Variants in SLC4A4 observed in about 807,000 individuals in gnomAD.
SLC4A4 encodes electrogenic sodium bicarbonate cotransporter 1.
A neutral mutation model predicts 111.5 loss-of-function variants in SLC4A4; 27 were observed. That is an observed-to-expected ratio of 0.24 (90% CI 0.18 to 0.33). The LOEUF is 0.33. Among genes scored for constraint, SLC4A4 ranks in the 10% least tolerant of loss-of-function variants. The pLI is 1.00. For synonymous variants in SLC4A4, 443 were observed against 463.4 expected, an observed-to-expected ratio of 0.96 and a Z score of 0.57; for missense variants, 909 against 1,315.5, an observed-to-expected ratio of 0.69 and a Z score of 4.78.
intron 2 of SLC4A4, among the ~76,000 whole-genome samples, chr4:71,171,071 C>T (rs1343213586): frequency 1.3e-5 from 2 of 152,158 alleles, no homozygotes; most frequent in African/African-American, 4.8e-5. Flanking sequence ...TCATGAAATG[C>T]TACTAACTCC....
At position 71,190,407 on chromosome 4, in the gene SLC4A4, C is replaced by T. The variant is rs1046283466; in HGVS notation, c.-2+3006C>T. 1.4e-4 allele frequency among the ~76,000 whole-genome samples: 21 copies of T among 151,004 alleles called. No individual in the cohort carries two copies. The East Asian group carries it at 3.9e-3, about 28-fold the overall frequency. ...GTTTACACACACACACACACACACA[C>T]ACACACACACACACACACACACAGA... On this transcript the variant is annotated intron_variant, in intron 1 of 25. Coordinates refer to ENST00000264485, the MANE Select transcript of SLC4A4 (RefSeq NM_001098484.3).
chr4:71,124,023 T>G (rs1162274278), intron 2 of SLC4A4, among the ~76,000 whole-genome samples: 1 of 152,188 alleles, frequency 6.6e-6, no homozygotes, highest in African/African-American at 2.4e-5. Flanking sequence ...TATGTTTATG[T>G]GCACTACTTT....
chr4:71,531,750 T>C, intron 16 of SLC4A4, among the ~76,000 whole-genome samples: 1 of 125,568 alleles, frequency 8.0e-6, no homozygotes, highest in African/African-American at 3.2e-5. Context: ...TTGCCCTCCC[T>C]GCCTACACAC....
intron 2 of SLC4A4, among the ~76,000 whole-genome samples, chr4:71,250,357 C>A (rs2149054690): frequency 6.6e-6 from 1 of 152,172 alleles, no homozygotes; most frequent in South Asian, 2.1e-4. Context: ...CTGGAGAGAA[C>A]AGAAATTCAG....
intron 2 of SLC4A4, among the ~76,000 whole-genome samples, chr4:71,249,978 T>G (rs1226095013): frequency 1.3e-5 from 2 of 152,176 alleles, no homozygotes; most frequent in Non-Finnish European, 2.9e-5. Flanking sequence ...CCACACAGTG[T>G]CCACTGTGCC....
At chr4:71,295,375 G>T (rs781700371) in intron 3 of SLC4A4, among the ~76,000 whole-genome samples, 2 of 152,042 alleles carry the variant, frequency 1.3e-5, no homozygotes, top group African/African-American at 4.8e-5. Flanking sequence ...CCCCTGGACT[G>T]GTACTTTCAT....
At chr4:71,399,511 C>T (rs1319156494) in intron 7 of SLC4A4, among the ~76,000 whole-genome samples, 2 of 137,392 alleles carry the variant, frequency 1.5e-5, no homozygotes, top group Non-Finnish European at 3.1e-5. Context: ...TCCTTCCTTC[C>T]TTCCTTCCTC....
At chr4:71,425,478 A>T (rs539336421) in intron 7 of SLC4A4, among the ~76,000 whole-genome samples, 14 of 152,300 alleles carry the variant, frequency 9.2e-5, no homozygotes, top group South Asian at 8.3e-4. Flanking sequence ...TAAACCAAAA[A>T]GTATCTGAGA....
At chr4:71,124,403 T>G (rs1284196915) in intron 2 of SLC4A4, among the ~76,000 whole-genome samples, 1 of 151,866 alleles carries the variant, frequency 6.6e-6, no homozygotes, top group African/African-American at 2.4e-5. Flanking sequence ...ATCTCTTGAC[T>G]ATGTGATCCA....
intron 1 of SLC4A4, among the ~76,000 whole-genome samples, chr4:71,204,640 C>T (rs1717634769): frequency 6.6e-6 from 1 of 152,030 alleles, no homozygotes; most frequent in African/African-American, 2.4e-5. Context: ...ATACAGCATG[C>T]AGAAAACCTG....
chr4:71,227,100 G>A (rs1416446072), intron 1 of SLC4A4, among the ~76,000 whole-genome samples: 1 of 152,134 alleles, frequency 6.6e-6, no homozygotes, highest in Non-Finnish European at 1.5e-5. Flanking sequence ...GAAGCCAATG[G>A]AGAACAGAGG....
chr4:71,338,459 G>T (rs935114142), intron 3 of SLC4A4, among the ~76,000 whole-genome samples: 1 of 151,772 alleles, frequency 6.6e-6, no homozygotes, highest in Admixed American at 6.6e-5. Flanking sequence ...AGTATTTGTG[G>T]GCCTTAAATT....
chr4:71,148,725 A>C (rs1291232947), intron 2 of SLC4A4, among the ~76,000 whole-genome samples: 1 of 152,060 alleles, frequency 6.6e-6, no homozygotes, highest in Non-Finnish European at 1.5e-5. Context: ...AAAGGACATG[A>C]TCTTGTTCTT....
intron 2 of SLC4A4, among the ~76,000 whole-genome samples, chr4:71,116,725 C>T (rs1743277270): frequency 6.6e-6 from 1 of 152,152 alleles, no homozygotes; most frequent in Middle Eastern, 3.2e-3. Context: ...GGGTGGATCA[C>T]CTGAGGTTGC....
chr4:71,521,958 C>T (rs1328632368), intron 16 of SLC4A4, among the ~76,000 whole-genome samples: 1 of 152,148 alleles, frequency 6.6e-6, no homozygotes, highest in Non-Finnish European at 1.5e-5. Context: ...GGTCAATGAC[C>T]CAGTCTCTTT....
chr4:71,092,832 C>T (rs375757333), intron 2 of SLC4A4, among the ~76,000 whole-genome samples: 11 of 152,316 alleles, frequency 7.2e-5, no homozygotes, highest in Admixed American at 3.9e-4. Context: ...TACAGTGGCT[C>T]ACGCCTGTAA....
chr4:71,558,943 T>C (rs1296472452), intron 22 of SLC4A4, among the ~76,000 whole-genome samples: 1 of 151,804 alleles, frequency 6.6e-6, no homozygotes, highest in Admixed American at 6.6e-5. Flanking sequence ...GTTATCTGCC[T>C]ACCTACAAAT....
chr4:71,269,756 T>G (rs994717605), intron 3 of SLC4A4, among the ~76,000 whole-genome samples: 1 of 152,188 alleles, frequency 6.6e-6, no homozygotes, highest in Non-Finnish European at 1.5e-5. Context: ...ATTTTACAAA[T>G]GAAGAAAGCA....
chr4:71,564,209 G>A (rs1288189097), intron 24 of SLC4A4, among the ~76,000 whole-genome samples: 2 of 135,518 alleles, frequency 1.5e-5, no homozygotes, highest in East Asian at 2.0e-4. Flanking sequence ...GAGAATTGCA[G>A]CTTATAATAC....
Sources: gnomAD v4.1 joint callset for allele counts (sites outside exome capture counted in the v4.1 genomes callset) on GRCh38, gnomAD v4.1.1 for gene constraint, MANE v1.5 for transcripts, NCBI Gene and HGNC (gene_info 2026-07-23, HGNC 2026-07-21) for gene names.